Variants in MAP1B observed in about 807,000 individuals in gnomAD.
The protein encoded by MAP1B is microtubule-associated protein 1B.
A neutral mutation model predicts 176.1 loss-of-function variants in MAP1B; 12 were observed. The ratio of observed to expected loss-of-function variants is 0.07; its 90% CI spans 0.04 to 0.11. The LOEUF (loss-of-function observed/expected upper bound fraction) is 0.11, where lower values mean the gene tolerates loss of function less well. Ranked by LOEUF, MAP1B falls within the 10% of genes least tolerant of loss-of-function variation. The pLI, the probability that MAP1B is intolerant of heterozygous loss-of-function variation, is 1.00. For missense variants in MAP1B, 2,523 were observed against 2,990.5 expected, an observed-to-expected ratio of 0.84 and a Z score of 3.65; for synonymous variants, 1,044 against 1,135.0, an observed-to-expected ratio of 0.92 and a Z score of 1.61.
chr5:72,194,441 T>C lies in MAP1B; in HGVS notation c.1086T>C (p.Pro362=), dbSNP rs1352015622. 6.2e-7 allele frequency: 1 copy of C among 1,613,992 alleles called. No individual in the cohort carries two copies. The highest frequency in any genetic ancestry group is 8.5e-7 in the Non-Finnish European group (1 of 1,180,010). Residue 362 remains proline (P), a synonymous_variant, in exon 5 of 7, where the codon CCT becomes CCC. Transcript: ENST00000296755. The surrounding 1 kb of genome is among the most constrained non-coding windows in gnomAD (Gnocchi z 7.2). ...TAGGAGTTGTATTTCTCAATGTACC[T>C]GAAAATCTCAAAAATCCAGAGCCAA... ...PDLGVVFLNV[P]ENLKNPEPNI... is the part of the protein sequence containing the mutation.
intron 2 of MAP1B, among the ~76,000 whole-genome samples, chr5:72,163,936 T>TTC (rs1746377658): frequency 3.0e-5 from 4 of 132,428 alleles, no homozygotes; most frequent in Admixed American, 7.5e-5. Context: ...TTTTCTTTTT[T>TTC]TTTTTTTTTT....
At chr5:72,167,421 A>G (rs910681473) in intron 2 of MAP1B, among the ~76,000 whole-genome samples, 5 of 152,222 alleles carry the variant, frequency 3.3e-5, no homozygotes, top group African/African-American at 1.2e-4. Context: ...TCTCTCTACT[A>G]CTGTTCTGAA....
intron 5 of MAP1B, among the ~76,000 whole-genome samples, chr5:72,202,331 T>C (rs1747349896): frequency 6.6e-6 from 1 of 152,258 alleles, no homozygotes; most frequent in Non-Finnish European, 1.5e-5. Context: ...ATTCTTTGGA[T>C]ATTTTGAGGG....
intron 2 of MAP1B, among the ~76,000 whole-genome samples, chr5:72,165,903 G>A (rs1006452026): frequency 2.6e-5 from 4 of 152,158 alleles, no homozygotes; most frequent in Admixed American, 6.5e-5. Flanking sequence ...TGTAGAACCA[G>A]ATAGACTAGA....
At chr5:72,122,331 C>T (rs1745545852) in intron 2 of MAP1B, among the ~76,000 whole-genome samples, 1 of 152,038 alleles carries the variant, frequency 6.6e-6, no homozygotes. Context: ...CAGCAGACAG[C>T]CCAGTCACCC....
chr5:72,161,729 G>A (rs1338951318), intron 2 of MAP1B, among the ~76,000 whole-genome samples: 2 of 152,098 alleles, frequency 1.3e-5, no homozygotes, highest in Non-Finnish European at 2.9e-5. Context: ...GGCTGAGGCG[G>A]GCAGATCACT....
rs754187397 is a variant in MAP1B at position 72,198,531 on chromosome 5, G to T, written c.5176G>T (p.Val1726Leu). 1.2e-6 allele frequency: 2 copies of T among 1,613,930 alleles called. No homozygotes were observed. The highest frequency in any genetic ancestry group is 1.3e-5 in the African/African-American group (1 of 75,018). Reference sequence around the variant, plus strand: ...TTCTGAGCTCATCTCAGTATCTCAGGTAGAGGCCTCCCCGTCCACCTCTTC... The same window carrying T: ...TTCTGAGCTCATCTCAGTATCTCAGTTAGAGGCCTCCCCGTCCACCTCTTC... ...DLSELISVSQ[V>L]EASPSTSSAH... Residue 1726 changes from valine to leucine, a missense_variant, in exon 5 of 7, where the codon GTA becomes TTA. Around this residue, in one of 4 missense-constraint regions of MAP1B, gnomAD observed 1,925 missense variants for 2,126.0 expected, o/e 0.91. Coordinates refer to ENST00000296755, the MANE Select transcript of MAP1B (RefSeq NM_005909.5).
chr5:72,188,687 A>G (rs945952947), intron 4 of MAP1B, among the ~76,000 whole-genome samples: 9 of 152,184 alleles, frequency 5.9e-5, no homozygotes, highest in African/African-American at 2.2e-4. Context: ...TTTTAGCACC[A>G]TGGACTGTGC....
At chr5:72,190,958 C>T (rs1561398) in intron 4 of MAP1B, among the ~76,000 whole-genome samples, 57,428 of 152,166 alleles carry the variant, frequency 0.38, 13,752 homozygotes, top group African/African-American at 0.69. Context: ...CTTCCTTCCT[C>T]TTCCAGTATG....
intron 4 of MAP1B, among the ~76,000 whole-genome samples, chr5:72,188,780 C>G (rs995569073): frequency 6.6e-6 from 1 of 152,110 alleles, no homozygotes; most frequent in South Asian, 2.1e-4. Flanking sequence ...GGCAGATTCC[C>G]CAGGGTTTAT....
chr5:72,194,808 A>G lies in MAP1B; in HGVS notation c.1453A>G (p.Ile485Val). ...WHPANPAEKI[I>V]RVLFPGNSTQ... is the part of the protein sequence containing the mutation. Reference sequence around the variant, plus strand: ...TCCAGCAAACCCTGCGGAGAAAATCATCCGAGTCCTGTTTCCTGGGAACAG... The same window carrying G: ...TCCAGCAAACCCTGCGGAGAAAATCGTCCGAGTCCTGTTTCCTGGGAACAG... Residue 485 changes from isoleucine (I) to valine (V), a missense_variant, in exon 5 of 7, where the codon ATC (isoleucine) becomes GTC (valine). Transcript: ENST00000296755. The surrounding 1 kb of genome is among the most constrained non-coding windows in gnomAD (Gnocchi z 7.2). The G allele has an allele frequency of 6.2e-7, 1 of 1,614,192 alleles. No individual in the cohort carries two copies. Among genetic ancestry groups the G allele is most frequent in the African/African-American group, 1.3e-5 (1 of 75,062 alleles).
At position 72,186,472 on chromosome 5, in the gene MAP1B, C is replaced by T. The variant is rs910249522; in HGVS notation, c.370-142C>T. On this transcript the variant is annotated intron_variant, in intron 3 of 6. Coordinates refer to ENST00000296755, the MANE Select transcript of MAP1B (RefSeq NM_005909.5). The surrounding 1 kb of genome is among the most constrained non-coding windows in gnomAD (Gnocchi z 4.3). ...TTCAACCCTCCCGTGCTCTTCTGGC[C>T]TCCAGGAGAAATTAGACCTTTGGGG... 7 of 1,000,832 alleles carry T rather than the reference C, an allele frequency of 7.0e-6. No individual in the cohort carries two copies. The African/African-American group carries it at 1.1e-4, about 16-fold the overall frequency. The allele number at this position is 1,000,832 out of a possible 1,614,324, so 62.0% of individuals were successfully genotyped here.
At position 72,198,384 on chromosome 5, in the gene MAP1B, C is replaced by A. The variant is rs1320774260; in HGVS notation, c.5029C>A (p.Leu1677Ile). The A allele has an allele frequency of 1.2e-6, 2 of 1,614,006 alleles. No individual in the cohort carries two copies. Among genetic ancestry groups the A allele is most frequent in the Non-Finnish European group, 1.7e-6 (2 of 1,180,004 alleles). The change falls in exon 5 of 7, where the codon CTT (leucine) becomes ATT (isoleucine). Residue 1677 changes from leucine to isoleucine, a missense_variant. Transcript: ENST00000296755. ...PDHPTVGAGV[L>I]HITENGPTEV... ...TCACCCTACAGTGGGTGCAGGCGTG[C>A]TTCACATCACTGAAAATGGGCCAAC... is the stretch of plus-strand genomic sequence containing the variant.
At chr5:72,150,274 T>C (rs911943331) in intron 2 of MAP1B, among the ~76,000 whole-genome samples, 2 of 152,242 alleles carry the variant, frequency 1.3e-5, no homozygotes, top group Non-Finnish European at 2.9e-5. Flanking sequence ...TATACCGTTA[T>C]TACTCAGAAA....
At chr5:72,156,673 C>T (rs974733035) in intron 2 of MAP1B, among the ~76,000 whole-genome samples, 1 of 152,182 alleles carries the variant, frequency 6.6e-6, no homozygotes. Context: ...TAAGAATTGT[C>T]GTTGTTCCCA....
chr5:72,154,097 A>G (rs79422060), intron 2 of MAP1B, among the ~76,000 whole-genome samples: 2,175 of 152,234 alleles, frequency 0.014, 37 homozygotes, highest in East Asian at 0.044. Context: ...TTATTTTTTT[A>G]TTTTGCTAAA....
chr5:72,173,545 G>A (rs1432396398), intron 2 of MAP1B, among the ~76,000 whole-genome samples: 1 of 152,190 alleles, frequency 6.6e-6, no homozygotes, highest in Non-Finnish European at 1.5e-5. Flanking sequence ...AATTAACCAT[G>A]TGAAAGTGGC....
At chr5:72,185,312 G>C (rs1328979846) in intron 3 of MAP1B, among the ~76,000 whole-genome samples, 2 of 152,220 alleles carry the variant, frequency 1.3e-5, no homozygotes, top group Admixed American at 6.5e-5. Flanking sequence ...ATGAAGGTGT[G>C]AAGCTGAGGA....
At position 72,196,985 on chromosome 5, in the gene MAP1B, C is replaced by G; in HGVS notation, c.3630C>G (p.Pro1210=). Residue 1210 remains proline, a synonymous_variant, in exon 5 of 7, where the codon CCC becomes CCG. Coordinates refer to ENST00000296755, the MANE Select transcript of MAP1B (RefSeq NM_005909.5). The surrounding 1 kb of genome is among the most constrained non-coding windows in gnomAD (Gnocchi z 5.3). ...CTTCAGCCTCTACCATATCACCACC[C>G]TCTTCCATGGAGGAAGACAAATTCA... is the stretch of plus-strand genomic sequence containing the variant. The part of the protein sequence containing the change: ...YNASASTISP[P]SSMEEDKFSR... The G allele has an allele frequency of 1.2e-6, 2 of 1,614,206 alleles. No homozygotes were observed. Among genetic ancestry groups the G allele is most frequent in the Non-Finnish European group, 1.7e-6 (2 of 1,180,026 alleles).
Sources: gnomAD v4.1 joint callset for allele counts (sites outside exome capture counted in the v4.1 genomes callset) on GRCh38, gnomAD v4.1.1 for gene constraint, gnomAD v4.1.1 regional missense constraint, Gnocchi (gnomAD v3.1) non-coding constraint, MANE v1.5 for transcripts, NCBI Gene and HGNC (gene_info 2026-07-23, HGNC 2026-07-21) for gene names.